The following ANKRD23 variants were observed in gnomAD, a reference collection of about 807,000 sequenced individuals.
ANKRD23 encodes the protein ankyrin repeat domain-containing protein 23.
Under a neutral mutation model 38.1 loss-of-function variants are expected in ANKRD23, and 52 were observed. That is an observed-to-expected ratio of 1.36 (90% CI 1.09 to 1.72). ANKRD23 has a LOEUF of 1.72. Among genes scored for constraint, ANKRD23 ranks in the 40% most tolerant of loss-of-function variants. The pLI is 0.00. For missense variants in ANKRD23, 416 were observed against 400.2 expected, an observed-to-expected ratio of 1.04 and a Z score of -0.34; for synonymous variants, 167 against 162.9, an observed-to-expected ratio of 1.03 and a Z score of -0.19.
chr2:96,843,936 G>A (rs2079787515), intron 1 of ANKRD23, 30 bp downstream of exon 1: 1 of 1,598,694 alleles, frequency 6.3e-7, no homozygotes, highest in Non-Finnish European at 8.5e-7. Flanking sequence ...CGGTCCCAGG[G>A]TGCCTCCCAC....
At chr2:96,841,050 A>T (rs2079754822) in intron 3 of ANKRD23, 138 bp from the exon 4 acceptor site, 5 of 1,042,748 alleles carry the variant, frequency 4.8e-6, no homozygotes. Context: ...GCAGTTTCTT[A>T]TTCTAATCCC....
At chr2:96,842,260 AC>A in intron 2 of ANKRD23, 75 bp from the exon 3 acceptor site, 1 of 1,608,450 alleles carries the variant, frequency 6.2e-7, no homozygotes, top group Non-Finnish European at 8.5e-7. Flanking sequence ...GACAGGAGAC[AC>A]CAGCTGCTCA....
At chr2:96,840,939 TC>T in intron 3 of ANKRD23, 27 bp from the exon 4 acceptor site, 1 of 1,611,406 alleles carries the variant, frequency 6.2e-7, no homozygotes, top group Non-Finnish European at 8.5e-7. Context: ...CAAGACCAAA[TC>T]ACTCCCGAAG....
At position 96,839,931 on chromosome 2, in the gene ANKRD23, T is replaced by C. The variant is rs1329007004; in HGVS notation, c.723+66A>G. 3 of 1,549,318 alleles carry C rather than the reference T, an allele frequency of 1.9e-6. No homozygotes were observed. In the East Asian group the frequency reaches 7.3e-5, roughly 38 times the overall value. Reference sequence around the variant, plus strand: ...AGCAGACAGCACCTCTGGTCCTGGCTGGGGCTCCTCAGTCCCTGCTCCTCT... The same window carrying C: ...AGCAGACAGCACCTCTGGTCCTGGCCGGGGCTCCTCAGTCCCTGCTCCTCT... On this transcript the variant is annotated intron_variant, in intron 7 of 8. Coordinates refer to ENST00000318357, the MANE Select transcript of ANKRD23 (RefSeq NM_144994.8).
rs372499217 is a variant in ANKRD23, at chr2:96,839,715, G to A, written c.822+12C>T. 11 of 1,612,214 alleles carry A rather than the reference G, an allele frequency of 6.8e-6. No homozygotes were observed. The highest frequency in any genetic ancestry group is 4.5e-5 in the East Asian group (2 of 44,858). Reference sequence around the variant, plus strand: ...CCCTCGGGTCAGGAGCCAGGGCTGCGCCCACACTCACCGCGTTCCGCACCC... The same window carrying A: ...CCCTCGGGTCAGGAGCCAGGGCTGCACCCACACTCACCGCGTTCCGCACCC... On this transcript the variant is annotated intron_variant, in intron 8 of 8. Transcript: ENST00000318357.
Position 96,840,061 on chromosome 2 carries a change from G to C in ANKRD23, c.659C>G (p.Thr220Ser), listed in dbSNP as rs1205358739. The part of the protein sequence containing the change: ...GSTPLHVAVR[T>S]RHPDCLEHLI... ...GTGCTCCAGGCAGTCGGGGTGCCGGGTGCGCACTGCCACGTGCAGGGGGGT... is the reference window on the plus strand; with the variant it reads ...GTGCTCCAGGCAGTCGGGGTGCCGGCTGCGCACTGCCACGTGCAGGGGGGT... The change falls in exon 7 of 9, where the codon ACC becomes AGC. Residue 220 changes from threonine (T) to serine (S), a missense_variant. Physicochemically the swap from Thr to Ser is moderately conservative, Grantham distance 58 (BLOSUM62 1). Transcript: ENST00000318357. 1.3e-6 allele frequency: 2 copies of C among 1,562,324 alleles called. No individual in the cohort carries two copies. Among genetic ancestry groups the C allele is most frequent in the East Asian group, 2.4e-5 (1 of 42,410 alleles).
At position 96,839,661 on chromosome 2, in the gene ANKRD23, G is replaced by A; in HGVS notation, c.823-17C>T. The A allele has an allele frequency of 6.4e-7, 1 of 1,564,528 alleles. No individual in the cohort carries two copies. Reference sequence around the variant, plus strand: ...CACGGAGGCCTGGGAGCAACGGTGTGGGTCAGTCCCTTGCAGGCGCTCCAC... The same window carrying A: ...CACGGAGGCCTGGGAGCAACGGTGTAGGTCAGTCCCTTGCAGGCGCTCCAC... On this transcript the variant is annotated splice_polypyrimidine_tract_variant and intron_variant, in intron 8 of 8. Coordinates refer to ENST00000318357, the MANE Select transcript of ANKRD23 (RefSeq NM_144994.8).
Position 96,839,982 on chromosome 2 carries a change from A to T in ANKRD23, c.723+15T>A, listed in dbSNP as rs1574127412. ...GGAGCTGTCCGAGCCGGAAAAGACC[A>T]AGCGCCTGCCTTACCTTATCCTGTG... is the stretch of plus-strand genomic sequence containing the variant. On this transcript the variant is annotated intron_variant, in intron 7 of 8. Coordinates refer to ENST00000318357, the MANE Select transcript of ANKRD23 (RefSeq NM_144994.8). The T allele has an allele frequency of 6.4e-7, 1 of 1,552,198 alleles. No individual in the cohort carries two copies. Among genetic ancestry groups the T allele is most frequent in the African/African-American group, 1.4e-5 (1 of 73,140 alleles).
In ANKRD23 at chr2:96,838,964, A is replaced by G; in HGVS notation, c.*585T>C. ...AAAGTTGTCTAGAGCCGCTCCGGAC[A>G]CTGCCAGGGTTGCTACTGACAGGAA... On this transcript the variant is annotated 3_prime_UTR_variant, in exon 9 of 9. Transcript: ENST00000318357. 1 of 985,652 alleles carries G rather than the reference A, an allele frequency of 1.0e-6. No homozygotes were observed. Among genetic ancestry groups the G allele is most frequent in the Non-Finnish European group, 1.2e-6 (1 of 830,120 alleles). The allele number at this position is 985,652 out of a possible 1,614,324, so 61.1% of individuals were successfully genotyped here. A position where few individuals can be genotyped will look rare whatever the true frequency, so the allele number is the denominator to read the frequency against.
In ANKRD23 at chr2:96,838,621, AACATAAGGGG is replaced by A; in HGVS notation, c.*918_*927del. ...CAAGAGCTCAAGCTCCAGTACCAGG[AACATAAGGGG>A]ACATAAGGGCCTCAGGCAAACTAGG... is the stretch of plus-strand genomic sequence containing the variant. On this transcript the variant is annotated 3_prime_UTR_variant, in exon 9 of 9. Transcript: ENST00000318357. 6.1e-6 allele frequency: 6 copies of A among 985,652 alleles called. 1 individual carries two copies. The Middle Eastern group carries it at 1.6e-3, about 257-fold the overall frequency. The allele number at this position is 985,652 out of a possible 1,614,324, so 61.1% of individuals were successfully genotyped here. A position where few individuals can be genotyped will look rare whatever the true frequency, so the allele number is the denominator to read the frequency against.
chr2:96,840,303 A>C lies in ANKRD23; in HGVS notation c.553T>G (p.Cys185Gly). 1.9e-6 allele frequency: 3 copies of C among 1,609,214 alleles called. No homozygotes were observed. Among genetic ancestry groups the C allele is most frequent in the Non-Finnish European group, 2.5e-6 (3 of 1,177,512 alleles). The change falls in exon 6 of 9, where the codon TGC becomes GGC. Residue 185 changes from cysteine (C) to glycine (G), a missense_variant. Coordinates refer to ENST00000318357, the MANE Select transcript of ANKRD23 (RefSeq NM_144994.8). The part of the protein sequence containing the change: ...LLDRTPVFWA[C>G]RGGHLVILKQ... ...AGGATGACCAGATGTCCTCCGCGGC[A>C]GGCCCAGAACACAGGTGTCCTGTCC...
chr2:96,840,567 C>T lies in ANKRD23; in HGVS notation c.427-53G>A. ...GAGGGAGTGCAGCCACCCCTAGAGA[C>T]CCCACGCGGTCCCCTTCCCAGGGCC... On this transcript the variant is annotated intron_variant, in intron 4 of 8. Transcript: ENST00000318357. 20 of 1,589,126 alleles carry T rather than the reference C, an allele frequency of 1.3e-5. No individual in the cohort carries two copies. In the Middle Eastern group the frequency reaches 5.4e-4, roughly 43 times the overall value.
chr2:96,842,197 G>A lies in ANKRD23; in HGVS notation c.175-12C>T. On this transcript the variant is annotated splice_polypyrimidine_tract_variant and intron_variant, in intron 2 of 8. Transcript: ENST00000318357. The stretch of plus-strand genomic sequence containing the variant: ...TTAAATCTTTCAAGCTGGGGCAGAA[G>A]ACAAGACCATGCCAGCCATCAGCCG... The A allele has an allele frequency of 3.1e-6, 5 of 1,613,966 alleles. No homozygotes were observed. Among genetic ancestry groups the A allele is most frequent in the Non-Finnish European group, 4.2e-6 (5 of 1,180,034 alleles).
intron 3 of ANKRD23, 51 bp downstream of exon 3, chr2:96,842,009 G>A (rs769006519): frequency 1.9e-6 from 3 of 1,611,222 alleles, no homozygotes; most frequent in Non-Finnish European, 2.5e-6. Context: ...CCCTTCCTCT[G>A]GAACTGGAGC....
At chr2:96,842,338 CA>C in intron 2 of ANKRD23, 26 bp downstream of exon 2, 1 of 1,591,878 alleles carries the variant, frequency 6.3e-7, no homozygotes, top group Non-Finnish European at 8.6e-7. Flanking sequence ...CCACTGCCCC[CA>C]ACCCCGGCCC....
In ANKRD23 at chr2:96,839,141, G is replaced by A. The variant is rs948075442; in HGVS notation, c.*408C>T. 5.5e-5 allele frequency: 55 copies of A among 1,002,824 alleles called. No homozygotes were observed. Among genetic ancestry groups the A allele is most frequent in the East Asian group, 1.0e-4 (1 of 9,856 alleles). 62.1% of individuals were successfully genotyped at this position (1,002,824 alleles called of 1,614,324 possible). A position where few individuals can be genotyped will look rare whatever the true frequency, so the allele number is the denominator to read the frequency against. ...CCCACACACACAGACTGGCCCTGGA[G>A]AGAGCAAGGCAAGCCCCCTAACCTG... On this transcript the variant is annotated 3_prime_UTR_variant, in exon 9 of 9. Transcript: ENST00000318357.
At position 96,840,482 on chromosome 2, in the gene ANKRD23, C is replaced by T. The variant is rs1404943520; in HGVS notation, c.459G>A (p.Leu153=). ...LHRTALHWAC[L]KGHSQLVNKL... is the part of the protein sequence containing the mutation. ...TGTTCACCAGCTGGCTGTGACCCTT[C>T]AGACAGGCCCAGTGCAAGGCGGTGC... Residue 153 remains leucine (L), a synonymous_variant, in exon 5 of 9, where the codon CTG becomes CTA. Transcript: ENST00000318357. 6.2e-7 allele frequency: 1 copy of T among 1,614,038 alleles called. No homozygotes were observed.
At chr2:96,840,715 G>A (rs930084490) in intron 4 of ANKRD23, 72 bp downstream of exon 4, 26 of 1,600,426 alleles carry the variant, frequency 1.6e-5, no homozygotes, top group Admixed American at 5.1e-5. Context: ...CCTAGGCCAG[G>A]ACTTGAACAC....
Position 96,840,073 on chromosome 2 carries a change from A to C in ANKRD23, c.647T>G (p.Val216Gly). The C allele has an allele frequency of 6.4e-7, 1 of 1,560,558 alleles. No individual in the cohort carries two copies. Among genetic ancestry groups the C allele is most frequent in the Non-Finnish European group, 8.7e-7 (1 of 1,151,782 alleles). ...RDKIGSTPLH[V>G]AVRTRHPDCL... ...GTCGGGGTGCCGGGTGCGCACTGCC[A>C]CGTGCAGGGGGGTGCTCCCGATCTG... The change falls in exon 7 of 9, where the codon GTG (valine) becomes GGG (glycine). Residue 216 changes from valine (V) to glycine (G), a missense_variant. Val to Gly is a moderately radical substitution (Grantham distance 109). Transcript: ENST00000318357.
Sources: gnomAD v4.1 joint callset for allele counts on GRCh38, gnomAD v4.1.1 for gene constraint, MANE v1.5 for transcripts, NCBI Gene and HGNC (gene_info 2026-07-23, HGNC 2026-07-21) for gene names.